Variants in UGT2A1 observed in about 807,000 individuals in gnomAD.
The protein encoded by UGT2A1 is UDP-glucuronosyltransferase 2A1.
Under a neutral mutation model 45.4 loss-of-function variants are expected in UGT2A1, and 61 were observed. The ratio of observed to expected loss-of-function variants is 1.34; its 90% CI spans 1.09 to 1.66. The LOEUF is 1.66. UGT2A1 is among the 40% of genes most tolerant of loss of function. The probability of loss-of-function intolerance (pLI) is 0.00; values close to 1 mark genes in which losing one functional copy is unlikely to be tolerated. For synonymous variants in UGT2A1, 229 were observed against 196.2 expected, an observed-to-expected ratio of 1.17 and a Z score of -1.40; for missense variants, 649 against 574.3, an observed-to-expected ratio of 1.13 and a Z score of -1.33.
At position 69,592,422 on chromosome 4, in the gene UGT2A1, G is replaced by T. The variant is rs540560869; in HGVS notation, c.1304+2055C>A. On this transcript the variant is annotated intron_variant, in intron 6 of 6. Transcript: ENST00000286604. ...GAAACTAAAAATGCATTTAGGTATT[G>T]CATATAGTCCAAAGAAGAGGAGATT... 3.3e-5 allele frequency among the ~76,000 whole-genome samples: 5 copies of T among 152,164 alleles called. No homozygotes were observed. In the East Asian group the frequency reaches 9.7e-4, roughly 29 times the overall value.
At chr4:69,616,800 G>A (rs1323454996) in intron 3 of UGT2A1, among the ~76,000 whole-genome samples, 3 of 148,874 alleles carry the variant, frequency 2.0e-5, no homozygotes, top group African/African-American at 7.4e-5. Context: ...AAAAGCTAAT[G>A]ACACTTTCTA....
chr4:69,591,140 T>C (rs1420372570), intron 6 of UGT2A1, among the ~76,000 whole-genome samples: 1 of 152,166 alleles, frequency 6.6e-6, no homozygotes, highest in Non-Finnish European at 1.5e-5. Context: ...GTCAATGAAA[T>C]GAATCAAAAT....
At chr4:69,643,923 T>A (rs1311230692) in intron 2 of UGT2A1, among the ~76,000 whole-genome samples, 1 of 151,642 alleles carries the variant, frequency 6.6e-6, no homozygotes, top group Admixed American at 6.6e-5. Context: ...TCATTCTACA[T>A]CCACAAAGAC....
At chr4:69,607,702 T>C (rs1261768117) in intron 3 of UGT2A1, among the ~76,000 whole-genome samples, 1 of 151,956 alleles carries the variant, frequency 6.6e-6, no homozygotes, top group African/African-American at 2.4e-5. Flanking sequence ...GAATCTACAA[T>C]GAACTCAAAC....
chr4:69,651,468 G>GA (rs1265439601), intron 1 of UGT2A1, among the ~76,000 whole-genome samples: 1 of 151,992 alleles, frequency 6.6e-6, no homozygotes, highest in Non-Finnish European at 1.5e-5. Flanking sequence ...TGAATTCAGA[G>GA]AAAAAAACTA....
At chr4:69,651,510 T>C (rs1722523647) in intron 1 of UGT2A1, among the ~76,000 whole-genome samples, 1 of 152,224 alleles carries the variant, frequency 6.6e-6, no homozygotes, top group Non-Finnish European at 1.5e-5. Context: ...CATACTCAAA[T>C]ATTTTCATCT....
chr4:69,619,804 G>A (rs1206773276), intron 3 of UGT2A1, among the ~76,000 whole-genome samples: 1 of 151,934 alleles, frequency 6.6e-6, no homozygotes, highest in Non-Finnish European at 1.5e-5. Context: ...GCTAATCCAT[G>A]ACAATCAAAT....
intron 4 of UGT2A1, among the ~76,000 whole-genome samples, chr4:69,597,040 A>C (rs1718971805): frequency 6.6e-6 from 1 of 152,206 alleles, no homozygotes; most frequent in African/African-American, 2.4e-5. Context: ...TTTGGAGGGA[A>C]GCCCAACAAA....
At chr4:69,646,180 C>G (rs557414622) in intron 2 of UGT2A1, among the ~76,000 whole-genome samples, 2 of 151,532 alleles carry the variant, frequency 1.3e-5, no homozygotes, top group Non-Finnish European at 3.0e-5. Flanking sequence ...TAAAAGAGTG[C>G]TTAGTAAAGA....
chr4:69,592,670 A>C (rs563055831), intron 6 of UGT2A1, among the ~76,000 whole-genome samples: 8 of 152,280 alleles, frequency 5.3e-5, no homozygotes, highest in African/African-American at 1.7e-4. Context: ...AATTAATAAT[A>C]GTAAAAATTG....
At chr4:69,625,133 G>A (rs188349703) in intron 3 of UGT2A1, among the ~76,000 whole-genome samples, 3 of 150,664 alleles carry the variant, frequency 2.0e-5, no homozygotes, top group African/African-American at 7.3e-5. Context: ...TTTGTAGCTT[G>A]CATTGCTTTC....
At chr4:69,614,984 A>G (rs569491581) in intron 3 of UGT2A1, among the ~76,000 whole-genome samples, 1 of 152,092 alleles carries the variant, frequency 6.6e-6, no homozygotes, top group East Asian at 1.9e-4. Flanking sequence ...GAAAGAGATA[A>G]GGGGAAATTG....
At chr4:69,640,139 C>A (rs17147530) in intron 2 of UGT2A1, among the ~76,000 whole-genome samples, 19,294 of 151,828 alleles carry the variant, frequency 0.13, 1,250 homozygotes, top group South Asian at 0.21. Context: ...GAAGATATGG[C>A]CTGGAACTCC....
intron 4 of UGT2A1, 91 bp from the exon 5 acceptor site, chr4:69,595,340 A>C (rs1718859855): frequency 6.9e-7 from 1 of 1,447,078 alleles, no homozygotes. Flanking sequence ...TTAGCCAGCT[A>C]CTTGGAAGAC....
At chr4:69,608,433 G>A (rs553824647) in intron 3 of UGT2A1, among the ~76,000 whole-genome samples, 2 of 132,498 alleles carry the variant, frequency 1.5e-5, no homozygotes, top group Non-Finnish European at 3.2e-5. Flanking sequence ...GGTGGGGGGA[G>A]GGGGGAAGGA....
chr4:69,635,843 A>AC (rs1721665050), intron 2 of UGT2A1, 21 bp from the exon 3 acceptor site: 1 of 136,538 alleles, frequency 7.3e-6, no homozygotes, highest in African/African-American at 3.5e-5. Context: ...AAAAAAAAAA[A>AC]AAAAAAAGAG....
At position 69,591,141 on chromosome 4, in the gene UGT2A1, G is replaced by T. The variant is rs1471552404; in HGVS notation, c.1305-1490C>A. ...GCATCAATAGTTTTGTCAATGAAAT[G>T]AATCAAAATCTAAAATATTTGAAGA... On this transcript the variant is annotated intron_variant, in intron 6 of 6. Transcript: ENST00000286604. Among the ~76,000 whole-genome samples the T allele has an allele frequency of 3.3e-5, 5 of 152,178 alleles. No individual in the cohort carries two copies. In the East Asian group the frequency reaches 9.7e-4, roughly 29 times the overall value.
intron 3 of UGT2A1, among the ~76,000 whole-genome samples, chr4:69,634,200 G>A (rs564846348): frequency 2.2e-4 from 33 of 152,076 alleles, no homozygotes; most frequent in Non-Finnish European, 4.3e-4. Context: ...AGCCGAGATC[G>A]CGCCACTGCA....
At chr4:69,632,740 T>C (rs967823360) in intron 3 of UGT2A1, among the ~76,000 whole-genome samples, 1 of 151,788 alleles carries the variant, frequency 6.6e-6, no homozygotes, top group Non-Finnish European at 1.5e-5. Context: ...ATACAAAAAT[T>C]AGCCAGACAT....
Sources: gnomAD v4.1 joint callset for allele counts (sites outside exome capture counted in the v4.1 genomes callset) on GRCh38, gnomAD v4.1.1 for gene constraint, MANE v1.5 for transcripts, NCBI Gene and HGNC (gene_info 2026-07-23, HGNC 2026-07-21) for gene names.